Variants in CSNK1A1 observed in about 807,000 individuals in gnomAD.
The protein encoded by CSNK1A1 is casein kinase I isoform alpha.
Under a neutral mutation model 46.1 loss-of-function variants are expected in CSNK1A1, and 7 were observed. The observed-to-expected ratio is 0.15, with a 90% confidence interval of 0.09 to 0.29. CSNK1A1 has a LOEUF of 0.29. CSNK1A1 is among the 10% of genes least tolerant of loss of function. CSNK1A1 has a pLI of 1.00. For missense variants in CSNK1A1, 96 were observed against 417.1 expected, an observed-to-expected ratio of 0.23 and a Z score of 6.71; for synonymous variants, 137 against 141.5, an observed-to-expected ratio of 0.97 and a Z score of 0.23.
At chr5:149,513,019 T>TTGA in intron 5 of CSNK1A1, 51 bp downstream of exon 5, 1 of 1,600,062 alleles carries the variant, frequency 6.2e-7, no homozygotes, top group Non-Finnish European at 8.5e-7. Context: ...CAAAAACCCA[T>TTGA]TGATGGCTTC....
chr5:149,513,718 TG>T (rs1761308114), intron 4 of CSNK1A1, among the ~76,000 whole-genome samples: 1 of 151,972 alleles, frequency 6.6e-6, no homozygotes, highest in African/African-American at 2.4e-5. Flanking sequence ...TGACCAAACA[TG>T]GCAAAGTCCC....
chr5:149,534,236 C>T (rs1761983690), intron 2 of CSNK1A1, among the ~76,000 whole-genome samples: 1 of 151,980 alleles, frequency 6.6e-6, no homozygotes, highest in Admixed American at 6.6e-5. Context: ...AATCCCAGCA[C>T]CTTGGGAGGC....
chr5:149,542,597 TATA>T, intron 2 of CSNK1A1, among the ~76,000 whole-genome samples: 1 of 3,256 alleles, frequency 3.1e-4, no homozygotes, highest in South Asian at 7.6e-3. Flanking sequence ...CAAATTTATA[TATA>T]TATATATATA....
At chr5:149,539,468 TAAA>T (rs5872133) in intron 2 of CSNK1A1, among the ~76,000 whole-genome samples, 3 of 137,432 alleles carry the variant, frequency 2.2e-5, no homozygotes, top group Non-Finnish European at 3.2e-5. Context: ...ACCCAACTCT[TAAA>T]AAAAAAAAAA....
At chr5:149,542,674 A>ATG (rs1449376437) in intron 2 of CSNK1A1, among the ~76,000 whole-genome samples, 2 of 6,114 alleles carry the variant, frequency 3.3e-4, no homozygotes, top group African/African-American at 1.6e-3. Flanking sequence ...ATATATATGT[A>ATG]TATATATATA....
At chr5:149,543,830 T>C (rs955248630) in intron 2 of CSNK1A1, among the ~76,000 whole-genome samples, 10 of 152,008 alleles carry the variant, frequency 6.6e-5, no homozygotes, top group Non-Finnish European at 1.5e-4. Context: ...TTTGAGGCTG[T>C]AGTGTGCTAT....
At chr5:149,549,610 G>A (rs987481857) in intron 2 of CSNK1A1, 2 of 672,126 alleles carry the variant, frequency 3.0e-6, no homozygotes, top group South Asian at 3.0e-5. Flanking sequence ...TTTTCTAAGC[G>A]GAGGAGGAAG....
intron 9 of CSNK1A1, chr5:149,497,967 G>A (rs1387846349): frequency 1.6e-6 from 1 of 613,850 alleles, no homozygotes; most frequent in Non-Finnish European, 2.0e-6. Context: ...CTGAGTAGCT[G>A]GGACTATAGG....
intron 4 of CSNK1A1, among the ~76,000 whole-genome samples, chr5:149,518,979 A>G (rs140339415): frequency 7.9e-5 from 12 of 152,304 alleles, no homozygotes; most frequent in African/African-American, 1.2e-4. Flanking sequence ...TCAAATGGAC[A>G]AAACTGCCCC....
At chr5:149,499,152 A>G (rs1049418862) in intron 9 of CSNK1A1, 1 of 985,310 alleles carries the variant, frequency 1.0e-6, no homozygotes, top group African/African-American at 1.7e-5. Flanking sequence ...ACAGTCTTGC[A>G]GTACTAAGCA....
intron 7 of CSNK1A1, among the ~76,000 whole-genome samples, chr5:149,508,705 T>G (rs1761115262): frequency 6.6e-6 from 1 of 152,252 alleles, no homozygotes; most frequent in African/African-American, 2.4e-5. Context: ...TGTTCCTTAA[T>G]GTACTAATTG....
chr5:149,520,228 C>T (rs1761526892), intron 4 of CSNK1A1, 62 bp downstream of exon 4: 2 of 1,067,512 alleles, frequency 1.9e-6, no homozygotes, highest in South Asian at 1.5e-5. Flanking sequence ...GAAAAGTTTA[C>T]CAAAGCAATT....
chr5:149,545,730 C>G, intron 2 of CSNK1A1: 1 of 643,204 alleles, frequency 1.6e-6, no homozygotes, highest in South Asian at 1.6e-5. Flanking sequence ...TCCTCAGGAA[C>G]CTGGAGCCCA....
Position 149,517,691 on chromosome 5 carries a change from A to G in CSNK1A1, c.456+2599T>C. 1 of 743,706 alleles carries G rather than the reference A, an allele frequency of 1.3e-6. No individual in the cohort carries two copies. Among genetic ancestry groups the G allele is most frequent in the Non-Finnish European group, 2.3e-6 (1 of 441,082 alleles). The allele number at this position is 743,706 out of a possible 1,614,324, so 46.1% of individuals were successfully genotyped here. On this transcript the variant is annotated intron_variant, in intron 4 of 9. Coordinates refer to ENST00000377843, the MANE Select transcript of CSNK1A1 (RefSeq NM_001892.6). This position sits in a 1 kb window ranked among gnomAD's most constrained non-coding sequence, Gnocchi z 4.4. ...TAAGAGGTGCTTGAGCAAGATCTAC[A>G]TTCTCCAGAATTAAAACAAAACAAA...
intron 3 of CSNK1A1, among the ~76,000 whole-genome samples, chr5:149,522,316 G>GC (rs888392715): frequency 6.6e-6 from 1 of 151,962 alleles, no homozygotes; most frequent in African/African-American, 2.4e-5. Flanking sequence ...TCGTTATGTT[G>GC]CCCAGGCTGC....
chr5:149,529,557 C>T, intron 2 of CSNK1A1: 1 of 362,812 alleles, frequency 2.8e-6, no homozygotes, highest in Non-Finnish European at 5.6e-6. Context: ...CAGTCAGATC[C>T]TGAAGGATGA....
At chr5:149,510,026 G>C in intron 6 of CSNK1A1, 73 bp from the exon 7 acceptor site, 4 of 1,010,118 alleles carry the variant, frequency 4.0e-6, no homozygotes, top group Non-Finnish European at 4.4e-6. Flanking sequence ...TAACGCACTA[G>C]ACATATAAAC....
intron 2 of CSNK1A1, among the ~76,000 whole-genome samples, chr5:149,532,166 A>T (rs1761921533): frequency 6.6e-6 from 1 of 152,138 alleles, no homozygotes; most frequent in Non-Finnish European, 1.5e-5. Context: ...GGTGTGAGCC[A>T]CAGTGCCCAG....
intron 9 of CSNK1A1, chr5:149,498,737 T>C: frequency 1.0e-6 from 1 of 985,204 alleles, no homozygotes; most frequent in Non-Finnish European, 1.2e-6. Context: ...TATGTAATCA[T>C]ATTAAACTAA....
Sources: allele counts gnomAD v4.1 joint callset (sites outside exome capture counted in the v4.1 genomes callset), GRCh38; gene constraint gnomAD v4.1.1; non-coding constraint Gnocchi (gnomAD v3.1); transcripts MANE v1.5; gene names NCBI Gene and HGNC (gene_info 2026-07-23, HGNC 2026-07-21).